The following STK39 variants were observed in gnomAD, a reference collection of about 807,000 sequenced individuals.
STK39 encodes the protein serine/threonine kinase 39.
A neutral mutation model predicts 77.8 loss-of-function variants in STK39; 20 were observed. That is an observed-to-expected ratio of 0.26 (90% CI 0.18 to 0.37). The LOEUF (loss-of-function observed/expected upper bound fraction) is 0.37, where lower values mean the gene tolerates loss of function less well. STK39 is among the 10% of genes least tolerant of loss of function. STK39 has a pLI of 1.00. For synonymous variants in STK39, 246 were observed against 234.1 expected (o/e 1.05, Z -0.47); for missense variants, 479 against 656.5 (o/e 0.73, Z 2.95).
At chr2:168,161,627 A>G (rs1688574824) in intron 5 of STK39, among the ~76,000 whole-genome samples, 160 bp downstream of exon 5, 1 of 152,250 alleles carries the variant, frequency 6.6e-6, no homozygotes, top group Non-Finnish European at 1.5e-5. Context: ...TATCAAAACA[A>G]TAAGGAAAAT....
chr2:168,007,024 C>T (rs998132362), intron 16 of STK39, among the ~76,000 whole-genome samples: 2 of 152,226 alleles, frequency 1.3e-5, no homozygotes, highest in African/African-American at 4.8e-5. Flanking sequence ...TGCTCCATAA[C>T]ATATGCTATT....
At chr2:168,083,200 T>TTGGCC (rs1447441816) in intron 10 of STK39, among the ~76,000 whole-genome samples, 2 of 152,060 alleles carry the variant, frequency 1.3e-5, no homozygotes, top group African/African-American at 4.8e-5. Flanking sequence ...ACCTACATCC[T>TTGGCC]TGGCCTGATC....
At chr2:167,957,113 T>G (rs116036506) in intron 17 of STK39, among the ~76,000 whole-genome samples, 2,567 of 152,292 alleles carry the variant, frequency 0.017, 67 homozygotes, top group African/African-American at 0.058. Flanking sequence ...TATTAAATAA[T>G]CAGCTAACTA....
chr2:168,159,660 C>T lies in STK39; in HGVS notation c.628+2127G>A, dbSNP rs1250605634. 3.9e-5 allele frequency among the ~76,000 whole-genome samples: 6 copies of T among 152,162 alleles called. No individual in the cohort carries two copies. In the South Asian group the frequency reaches 1.0e-3, roughly 26 times the overall value. The stretch of plus-strand genomic sequence containing the variant: ...GAAATTAAATGTGAATTCTAGAAAG[C>T]GACAGTTCCAGAGATGCAGAAGCTG... On this transcript the variant is annotated intron_variant, in intron 5 of 17. Transcript: ENST00000355999.
At chr2:168,052,584 G>A (rs1234839734) in intron 14 of STK39, among the ~76,000 whole-genome samples, 2 of 152,082 alleles carry the variant, frequency 1.3e-5, no homozygotes, top group Non-Finnish European at 2.9e-5. Context: ...TGTAAAATAC[G>A]CCTTTCATTA....
intron 10 of STK39, among the ~76,000 whole-genome samples, chr2:168,107,482 CT>C (rs923970191): frequency 2.6e-5 from 4 of 151,392 alleles, no homozygotes; most frequent in Admixed American, 6.6e-5. Flanking sequence ...AGCACCATTT[CT>C]GTTTGCCATC....
chr2:168,020,410 A>G (rs1475808752), intron 14 of STK39, among the ~76,000 whole-genome samples: 2 of 152,266 alleles, frequency 1.3e-5, no homozygotes, highest in East Asian at 3.9e-4. Context: ...TGTTACAGAC[A>G]CAGGAATTTA....
intron 5 of STK39, among the ~76,000 whole-genome samples, chr2:168,147,329 G>A (rs1688166879): frequency 6.6e-6 from 1 of 152,170 alleles, no homozygotes; most frequent in Admixed American, 6.5e-5. Flanking sequence ...TTTCAGGGCT[G>A]CCAGCATCCG....
intron 10 of STK39, among the ~76,000 whole-genome samples, chr2:168,102,611 G>A (rs184117371): frequency 6.6e-6 from 1 of 152,246 alleles, no homozygotes; most frequent in African/African-American, 2.4e-5. Flanking sequence ...ATGACATTCT[G>A]GGACCATGAA....
intron 10 of STK39, among the ~76,000 whole-genome samples, chr2:168,123,721 T>C (rs1008447766): frequency 1.3e-5 from 2 of 151,794 alleles, no homozygotes; most frequent in Non-Finnish European, 2.9e-5. Flanking sequence ...ATATAAAAAT[T>C]AGCCGGGCAT....
intron 10 of STK39, among the ~76,000 whole-genome samples, chr2:168,127,754 A>C (rs1687582410): frequency 6.6e-6 from 1 of 152,230 alleles, no homozygotes; most frequent in Admixed American, 6.5e-5. Flanking sequence ...CAGAAAGTTA[A>C]ATCTTGTTAG....
chr2:168,192,506 T>G (rs1357861387), intron 1 of STK39, among the ~76,000 whole-genome samples: 1 of 152,186 alleles, frequency 6.6e-6, no homozygotes, highest in Non-Finnish European at 1.5e-5. Flanking sequence ...GCTCTGTACT[T>G]CCAAACCCCG....
intron 16 of STK39, among the ~76,000 whole-genome samples, chr2:167,993,562 T>A (rs900149271): frequency 1.3e-5 from 2 of 152,134 alleles, no homozygotes; most frequent in Admixed American, 1.3e-4. Context: ...AAATCAACAC[T>A]GTGGAGAGCC....
At chr2:168,034,374 T>G (rs1180042403) in intron 14 of STK39, among the ~76,000 whole-genome samples, 1 of 152,236 alleles carries the variant, frequency 6.6e-6, no homozygotes, top group African/African-American at 2.4e-5. Flanking sequence ...AAGTAATGGC[T>G]TTGTTTGGTG....
At chr2:168,049,021 T>A (rs1471825068) in intron 14 of STK39, among the ~76,000 whole-genome samples, 2 of 152,210 alleles carry the variant, frequency 1.3e-5, no homozygotes, top group African/African-American at 2.4e-5. Context: ...GAACAAGTGA[T>A]AGCTCTGATA....
intron 15 of STK39, among the ~76,000 whole-genome samples, chr2:168,013,793 G>GGTGTGTGTGTGTGTGT (rs4000936): frequency 4.1e-4 from 60 of 147,762 alleles, no homozygotes; most frequent in African/African-American, 1.5e-3. Flanking sequence ...TAAGTGGGCT[G>GGTGTGTGTGTGTGTGT]GTGTGTGTGT....
chr2:167,959,802 A>C (rs971891132), intron 17 of STK39, among the ~76,000 whole-genome samples: 7 of 152,204 alleles, frequency 4.6e-5, no homozygotes, highest in African/African-American at 1.7e-4. Context: ...TGAGGAACAC[A>C]GTGACTATTA....
intron 1 of STK39, among the ~76,000 whole-genome samples, chr2:168,223,504 C>T (rs1487772220): frequency 1.7e-5 from 2 of 116,986 alleles, no homozygotes; most frequent in East Asian, 4.4e-4. Context: ...GAGTGAGACT[C>T]CGTCTCAAAA....
chr2:168,219,770 C>A (rs561491064), intron 1 of STK39, among the ~76,000 whole-genome samples: 10 of 151,792 alleles, frequency 6.6e-5, no homozygotes, highest in African/African-American at 2.4e-4. Flanking sequence ...TTTAAAAAGA[C>A]GAGACAGTGT....
Sources: gnomAD v4.1 joint callset for allele counts (sites outside exome capture counted in the v4.1 genomes callset) on GRCh38, gnomAD v4.1.1 for gene constraint, MANE v1.5 for transcripts, NCBI Gene and HGNC (gene_info 2026-07-23, HGNC 2026-07-21) for gene names.